The following MCM3AP variants were observed in gnomAD, a reference collection of about 807,000 sequenced individuals.
MCM3AP encodes germinal-center associated nuclear protein.
Under a neutral mutation model 184.1 loss-of-function variants are expected in MCM3AP, and 126 were observed. The observed-to-expected ratio is 0.68, with a 90% CI of 0.59 to 0.79. The LOEUF is 0.79. Among genes scored for constraint, MCM3AP ranks in the 30% least tolerant of loss-of-function variants. MCM3AP has a pLI of 0.00. For synonymous variants in MCM3AP, 1,002 were observed against 979.3 expected (o/e 1.02, Z -0.43); for missense variants, 2,496 against 2,479.2 (o/e 1.01, Z -0.14).
rs186722377 is a variant in MCM3AP at position 46,278,888 on chromosome 21, T to C, written c.1667+1105A>G. Among the ~76,000 whole-genome samples the C allele has an allele frequency of 3.1e-3, 466 of 149,176 alleles. 1 individual carries two copies. The highest frequency in any genetic ancestry group is 0.011 in the Middle Eastern group (3 of 282). On this transcript the variant is annotated intron_variant, in intron 4 of 27. Transcript: ENST00000291688. The stretch of plus-strand genomic sequence containing the variant: ...TGGGGTTTCACCATATCAGCCAGGA[T>C]GGTCTCAATCTCCTGACCTTGTGAT...
At position 46,235,288 on chromosome 21, in the gene MCM3AP, G is replaced by C. The variant is rs1244634406; in HGVS notation, c.5923C>G (p.Leu1975Val). 1.2e-6 allele frequency: 2 copies of C among 1,614,174 alleles called. No individual in the cohort carries two copies. The highest frequency in any genetic ancestry group is 1.3e-5 in the African/African-American group (1 of 75,052). The change falls in exon 28 of 28, where the codon CTA (leucine) becomes GTA (valine). Residue 1975 changes from leucine (L) to valine (V), a missense_variant. Coordinates refer to ENST00000291688, the MANE Select transcript of MCM3AP (RefSeq NM_003906.5). ...GCTGCTCAAATGTCCACCATGTCTA[G>C]CAGCGCAGAGAGATGGAGCTCAGAG... ...VASELHLSAL[L>V]DMVDI
At chr21:46,260,975 C>A in intron 14 of MCM3AP, 69 bp from the exon 15 acceptor site, 2 of 1,262,766 alleles carry the variant, frequency 1.6e-6, no homozygotes, top group Non-Finnish European at 2.3e-6. Context: ...TTGTTTTACT[C>A]CCTGGCCACG....
chr21:46,269,786 T>C (rs1174696805), intron 9 of MCM3AP, among the ~76,000 whole-genome samples: 1 of 152,142 alleles, frequency 6.6e-6, no homozygotes, highest in Non-Finnish European at 1.5e-5. Flanking sequence ...CCTGGTCACA[T>C]TGCACTGAAC....
At chr21:46,272,324 A>G (rs1569076039) in intron 8 of MCM3AP, among the ~76,000 whole-genome samples, 3 of 152,056 alleles carry the variant, frequency 2.0e-5, no homozygotes, top group African/African-American at 7.3e-5. Flanking sequence ...TATTTTCAGA[A>G]ATGAACATGT....
chr21:46,272,541 T>C lies in MCM3AP; in HGVS notation c.2465+20A>G. Reference sequence around the variant, plus strand: ...GCCTTTTCAGCCACCTTAGGACAACTTTTGGATGTGAAAATTCACCTTAGG... The same window carrying C: ...GCCTTTTCAGCCACCTTAGGACAACCTTTGGATGTGAAAATTCACCTTAGG... On this transcript the variant is annotated intron_variant, in intron 8 of 27. Coordinates refer to ENST00000291688, the MANE Select transcript of MCM3AP (RefSeq NM_003906.5). 6.2e-7 allele frequency: 1 copy of C among 1,608,388 alleles called. No homozygotes were observed. Among genetic ancestry groups the C allele is most frequent in the Non-Finnish European group, 8.5e-7 (1 of 1,176,636 alleles).
intron 25 of MCM3AP, 65 bp from the exon 26 acceptor site, chr21:46,241,082 C>T: frequency 8.6e-7 from 1 of 1,164,388 alleles, no homozygotes; most frequent in Non-Finnish European, 1.3e-6. Flanking sequence ...TCATGTAAAG[C>T]ATGTAGATAC....
intron 20 of MCM3AP, among the ~76,000 whole-genome samples, chr21:46,248,963 A>G (rs1437746628): frequency 6.6e-6 from 1 of 152,240 alleles, no homozygotes; most frequent in Non-Finnish European, 1.5e-5. Flanking sequence ...TGTCATAAAG[A>G]CATGAAAATG....
At chr21:46,249,793 A>G in intron 20 of MCM3AP, 2 of 284,202 alleles carry the variant, frequency 7.0e-6, no homozygotes, top group South Asian at 6.1e-5. Context: ...CAAGAGCCAG[A>G]TGAGCATCTC....
intron 23 of MCM3AP, 68 bp from the exon 24 acceptor site, chr21:46,243,790 T>G: frequency 6.6e-7 from 1 of 1,521,546 alleles, no homozygotes; most frequent in Non-Finnish European, 8.9e-7. Flanking sequence ...CATGAAAACA[T>G]TTTCTCAGGA....
Position 46,235,408 on chromosome 21 carries a change from G to A in MCM3AP, c.5803C>T (p.Gln1935Ter). ...TSPQSDMMREQLQLSEATGTC... is the reference protein window; with the variant it reads ...TSPQSDMMRE ...CCTGTCGCCTCTGACAGCTGCAGTT[G>A]CTCCCTCATCATGTCACTCTATTTG... The change falls in exon 28 of 28, where the codon CAA (glutamine) becomes TAA (stop). Residue 1935 changes from glutamine (Q) to a stop codon, truncating the protein, a stop_gained. Coordinates refer to ENST00000291688, the MANE Select transcript of MCM3AP (RefSeq NM_003906.5). LOFTEE classifies it high-confidence loss of function. 6.2e-7 allele frequency: 1 copy of A among 1,614,018 alleles called. No homozygotes were observed. Among genetic ancestry groups the A allele is most frequent in the Non-Finnish European group, 8.5e-7 (1 of 1,179,964 alleles).
rs1211512807 is a variant in MCM3AP, at chr21:46,266,699, G to T, written c.2789+283C>A. 8 of 423,724 alleles carry T rather than the reference G, an allele frequency of 1.9e-5. No individual in the cohort carries two copies. The East Asian group carries it at 3.4e-4, about 18-fold the overall frequency. 26.2% of individuals were successfully genotyped at this position (423,724 alleles called of 1,614,324 possible). Reference sequence around the variant, plus strand: ...GGCTGGCAAAGGCAGTCAAGGGAAAGAATAAAGAAGGCCCTAACTTTTATC... The same window carrying T: ...GGCTGGCAAAGGCAGTCAAGGGAAATAATAAAGAAGGCCCTAACTTTTATC... On this transcript the variant is annotated intron_variant, in intron 10 of 27. Coordinates refer to ENST00000291688, the MANE Select transcript of MCM3AP (RefSeq NM_003906.5).
At chr21:46,276,199 C>A (rs1457252568) in intron 5 of MCM3AP, among the ~76,000 whole-genome samples, 5 of 151,612 alleles carry the variant, frequency 3.3e-5, no homozygotes, top group Non-Finnish European at 7.4e-5. Flanking sequence ...TTGCAGTGAG[C>A]TGACGTTGCG....
At chr21:46,260,108 A>G (rs1022242845) in intron 15 of MCM3AP, among the ~76,000 whole-genome samples, 8 of 152,080 alleles carry the variant, frequency 5.3e-5, no homozygotes, top group Admixed American at 1.3e-4. Flanking sequence ...CTGCATCCTC[A>G]GTATTAAAAT....
intron 27 of MCM3AP, among the ~76,000 whole-genome samples, chr21:46,236,020 T>G (rs2080517900): frequency 6.6e-6 from 1 of 152,250 alleles, no homozygotes; most frequent in South Asian, 2.1e-4. Flanking sequence ...ACTCCCATCT[T>G]CGGATATTTA....
At chr21:46,278,987 A>T (rs960158429) in intron 4 of MCM3AP, among the ~76,000 whole-genome samples, 2 of 149,114 alleles carry the variant, frequency 1.3e-5, no homozygotes, top group African/African-American at 5.0e-5. Context: ...ACAGCTCTTC[A>T]GGAAAAAAAA....
At chr21:46,251,260 T>A in intron 20 of MCM3AP, 1 of 276,366 alleles carries the variant, frequency 3.6e-6, no homozygotes. Flanking sequence ...AAGTTTTGTG[T>A]ACATATTACA....
At chr21:46,271,775 C>A (rs974153277) in intron 8 of MCM3AP, among the ~76,000 whole-genome samples, 1 of 151,876 alleles carries the variant, frequency 6.6e-6, no homozygotes, top group Admixed American at 6.6e-5. Context: ...GCAAGAGAAT[C>A]GCTTGAACCC....
intron 17 of MCM3AP, 82 bp from the exon 18 acceptor site, chr21:46,254,926 G>A: frequency 1.0e-6 from 1 of 1,000,424 alleles, no homozygotes. Flanking sequence ...GAATACTCAG[G>A]AGACTGAAAA....
intron 18 of MCM3AP, 87 bp downstream of exon 18, chr21:46,254,689 T>TG: frequency 7.0e-7 from 1 of 1,424,852 alleles, no homozygotes; most frequent in Admixed American, 1.7e-5. Context: ...AGACCTCAGT[T>TG]GGAGATGCAT....
Sources: gnomAD v4.1 joint callset for allele counts (sites outside exome capture counted in the v4.1 genomes callset) on GRCh38, gnomAD v4.1.1 for gene constraint, MANE v1.5 for transcripts, NCBI Gene and HGNC (gene_info 2026-07-23, HGNC 2026-07-21) for gene names.